Variants in RBM6 observed in about 807,000 individuals in gnomAD.
RBM6 encodes the protein RNA-binding protein 6.
In RBM6, 23 loss-of-function variants were observed where a neutral mutation model predicts 140.4. That is an observed-to-expected ratio of 0.16 (90% CI 0.12 to 0.23). The LOEUF (loss-of-function observed/expected upper bound fraction) is 0.23, where lower values mean the gene tolerates loss of function less well. RBM6 is among the 10% of genes least tolerant of loss of function. The pLI is 1.00. For synonymous variants in RBM6, 439 were observed against 475.6 expected (o/e 0.92, Z 1.00); for missense variants, 1,139 against 1,386.7 (o/e 0.82, Z 2.84).
At chr3:50,036,487 A>T (rs997609372) in intron 6 of RBM6, among the ~76,000 whole-genome samples, 1 of 152,152 alleles carries the variant, frequency 6.6e-6, no homozygotes, top group Admixed American at 6.6e-5. Context: ...TTCTTCGTGC[A>T]GGAATCATTC....
At chr3:50,020,423 C>G (rs2087416203) in intron 6 of RBM6, among the ~76,000 whole-genome samples, 1 of 152,056 alleles carries the variant, frequency 6.6e-6, no homozygotes, top group African/African-American at 2.4e-5. Flanking sequence ...TTAATTTGCT[C>G]TTTTACTGGT....
intron 6 of RBM6, among the ~76,000 whole-genome samples, chr3:50,019,491 C>CTTTCCTTGCCT (rs1302998511): frequency 2.0e-5 from 3 of 152,084 alleles, no homozygotes. Context: ...CTTTTCTCTC[C>CTTTCCTTGCCT]TTTCCTTGCC....
chr3:50,011,602 A>G (rs1241395841), intron 6 of RBM6, among the ~76,000 whole-genome samples: 4 of 152,074 alleles, frequency 2.6e-5, no homozygotes, highest in Non-Finnish European at 5.9e-5. Flanking sequence ...CTCTCCACAT[A>G]TGTCTTTCTT....
intron 1 of RBM6, among the ~76,000 whole-genome samples, chr3:49,956,000 AT>A (rs753593029): frequency 1.7e-3 from 230 of 137,628 alleles, no homozygotes; most frequent in African/African-American, 2.0e-3. Flanking sequence ...TGTTTAGCTG[AT>A]TTTTTTTTTT....
At chr3:49,976,983 G>T (rs1490336087) in intron 5 of RBM6, among the ~76,000 whole-genome samples, 1 of 152,112 alleles carries the variant, frequency 6.6e-6, no homozygotes, top group Non-Finnish European at 1.5e-5. Context: ...TGAAAGAATT[G>T]GATTGCTAGT....
At chr3:50,054,456 T>C in intron 8 of RBM6, 61 bp downstream of exon 8, 1 of 1,403,484 alleles carries the variant, frequency 7.1e-7, no homozygotes, top group South Asian at 1.2e-5. Flanking sequence ...AATTTCATGT[T>C]TTCCTTGGCT....
At chr3:50,033,940 G>A (rs1334045383) in intron 6 of RBM6, among the ~76,000 whole-genome samples, 6 of 151,750 alleles carry the variant, frequency 4.0e-5, no homozygotes, top group Non-Finnish European at 8.8e-5. Context: ...GCACTTGGCC[G>A]GATATAGTTT....
rs370065492 is a variant in RBM6, at chr3:50,061,957, C to G, written c.2440-5C>G. ...TAGACTTACTTGTTTCCAACTGTAT[C>G]GCAGCAAGAAGTCTATGTGCCCCAG... On this transcript the variant is annotated splice_polypyrimidine_tract_variant and splice_region_variant and intron_variant, in intron 14 of 20. Coordinates refer to ENST00000266022, the MANE Select transcript of RBM6 (RefSeq NM_005777.3). 1 of 1,611,582 alleles carries G rather than the reference C, an allele frequency of 6.2e-7. No individual in the cohort carries two copies.
chr3:50,014,108 C>G (rs904550002), intron 6 of RBM6, among the ~76,000 whole-genome samples: 5 of 152,204 alleles, frequency 3.3e-5, no homozygotes, highest in South Asian at 2.1e-4. Flanking sequence ...GATGACCTGG[C>G]TTGCCGTGGA....
At chr3:50,040,184 C>T (rs2088798899) in intron 6 of RBM6, among the ~76,000 whole-genome samples, 1 of 152,144 alleles carries the variant, frequency 6.6e-6, no homozygotes, top group Non-Finnish European at 1.5e-5. Context: ...CCCTGGCTCA[C>T]GCCTGTAATC....
At chr3:50,076,022 G>A (rs1440066553) in intron 20 of RBM6, among the ~76,000 whole-genome samples, 1 of 150,280 alleles carries the variant, frequency 6.7e-6, no homozygotes, top group East Asian at 2.0e-4. Flanking sequence ...AGGCTGGAAT[G>A]CAGTGGTGCG....
intron 18 of RBM6, among the ~76,000 whole-genome samples, chr3:50,069,365 T>C (rs2090221373): frequency 6.6e-6 from 1 of 151,660 alleles, no homozygotes; most frequent in Non-Finnish European, 1.5e-5. Context: ...ATATAAAAAT[T>C]AGGTGGACAT....
At chr3:50,051,720 G>A (rs573027038) in intron 7 of RBM6, among the ~76,000 whole-genome samples, 12 of 152,172 alleles carry the variant, frequency 7.9e-5, no homozygotes, top group Non-Finnish European at 1.8e-4. Flanking sequence ...GCTAATGGCG[G>A]TATTATTCAT....
intron 1 of RBM6, among the ~76,000 whole-genome samples, chr3:49,960,654 C>A (rs2084239091): frequency 2.0e-5 from 3 of 152,060 alleles, no homozygotes; most frequent in African/African-American, 2.4e-5. Context: ...TAACAAAGGT[C>A]CTGGAAATAA....
intron 6 of RBM6, among the ~76,000 whole-genome samples, chr3:50,039,493 C>T (rs1344330850): frequency 2.2e-5 from 3 of 139,198 alleles, no homozygotes; most frequent in Admixed American, 1.4e-4. Context: ...CCCCCCCCCC[C>T]CCCACCCTTG....
Position 49,968,176 on chromosome 3 carries a change from G to T in RBM6, c.751G>T (p.Asp251Tyr). The part of the protein sequence containing the change: ...GTTDLDFRDR[D>Y]TPHSDFRGRH... ...TACTGATCTAGACTTTAGGGACAGGGATACGCCACATTCAGATTTCAGAGG... is the reference window on the plus strand; with the variant it reads ...TACTGATCTAGACTTTAGGGACAGGTATACGCCACATTCAGATTTCAGAGG... The change falls in exon 3 of 21, where the codon GAT becomes TAT. Residue 251 changes from aspartate (D) to tyrosine (Y), a missense_variant. Asp to Tyr is a radical substitution (Grantham distance 160). Coordinates refer to ENST00000266022, the MANE Select transcript of RBM6 (RefSeq NM_005777.3). 1 of 1,614,158 alleles carries T rather than the reference G, an allele frequency of 6.2e-7. No homozygotes were observed. The highest frequency in any genetic ancestry group is 8.5e-7 in the Non-Finnish European group (1 of 1,180,030).
chr3:50,073,924 A>T (rs567904887), intron 19 of RBM6, among the ~76,000 whole-genome samples: 9 of 150,928 alleles, frequency 6.0e-5, no homozygotes, highest in Non-Finnish European at 2.9e-5. Flanking sequence ...ATCTTGGCTC[A>T]CTGCAACCTC....
intron 1 of RBM6, among the ~76,000 whole-genome samples, chr3:49,946,058 A>G (rs1032260352): frequency 6.6e-6 from 1 of 152,188 alleles, no homozygotes; most frequent in Middle Eastern, 3.4e-3. Flanking sequence ...GACCTCACCT[A>G]AAACAAACCT....
At chr3:49,995,123 C>T (rs1008222313) in intron 5 of RBM6, among the ~76,000 whole-genome samples, 2 of 152,122 alleles carry the variant, frequency 1.3e-5, no homozygotes, top group Admixed American at 1.3e-4. Context: ...CCTTATTCTC[C>T]TGTAACCACC....
Sources: allele counts gnomAD v4.1 joint callset (sites outside exome capture counted in the v4.1 genomes callset), GRCh38; gene constraint gnomAD v4.1.1; transcripts MANE v1.5; gene names NCBI Gene and HGNC (gene_info 2026-07-23, HGNC 2026-07-21).